Variants in LRRFIP2 observed in about 807,000 individuals in gnomAD.
The protein encoded by LRRFIP2 is LRR binding FLII interacting protein 2.
LRRFIP2 carries 109 observed loss-of-function variants against 125.9 expected under a neutral mutation model. The observed-to-expected ratio is 0.87, with a 90% CI of 0.74 to 1.01. The LOEUF is 1.01. Among genes scored for constraint, LRRFIP2 ranks in the 50% least tolerant of loss-of-function variants. The pLI, the probability that LRRFIP2 is intolerant of heterozygous loss-of-function variation, is 0.00. For synonymous variants in LRRFIP2, 291 were observed against 293.1 expected (o/e 0.99, Z 0.07); for missense variants, 850 against 862.3 (o/e 0.99, Z 0.18).
chr3:37,149,183 A>C (rs1468802514), intron 1 of LRRFIP2, 145 bp from the exon 2 acceptor site: 1 of 566,200 alleles, frequency 1.8e-6, no homozygotes, highest in Non-Finnish European at 2.9e-6. Flanking sequence ...AGAATATTTA[A>C]TTTTATACTA....
At chr3:37,130,032 A>C (rs2095387851) in intron 2 of LRRFIP2, among the ~76,000 whole-genome samples, 1 of 152,176 alleles carries the variant, frequency 6.6e-6, no homozygotes, top group Non-Finnish European at 1.5e-5. Context: ...TGTGGTTTTT[A>C]GTATACTCAC....
intron 17 of LRRFIP2, among the ~76,000 whole-genome samples, chr3:37,093,948 CAG>C (rs2093597912): frequency 6.6e-6 from 1 of 152,172 alleles, no homozygotes; most frequent in Admixed American, 6.5e-5. Flanking sequence ...AACTTTAGCT[CAG>C]AGTTTGTCTT....
intron 3 of LRRFIP2, among the ~76,000 whole-genome samples, chr3:37,128,088 A>G (rs550689708): frequency 6.6e-6 from 1 of 152,312 alleles, no homozygotes; most frequent in East Asian, 1.9e-4. Context: ...GTAAAAAGAC[A>G]ACGGATTGCA....
At chr3:37,084,841 A>C (rs1045052496) in intron 18 of LRRFIP2, among the ~76,000 whole-genome samples, 1 of 141,596 alleles carries the variant, frequency 7.1e-6, no homozygotes, top group African/African-American at 2.5e-5. Context: ...CTACTGCCTA[A>C]TGACTTTTTT....
Position 37,075,218 on chromosome 3 carries a change from G to T in LRRFIP2, c.1279-102C>A, listed in dbSNP as rs998987953. ...GGTTAAGTATGACCTCCAGAAACAT[G>T]CCCAAACTCCTGATTCATAGTAACT... On this transcript the variant is annotated intron_variant, in intron 19 of 27. Coordinates refer to ENST00000336686, the MANE Select transcript of LRRFIP2 (RefSeq NM_006309.4). 1.1e-5 allele frequency: 7 copies of T among 631,982 alleles called. No homozygotes were observed. In the African/African-American group the frequency reaches 1.3e-4, roughly 12 times the overall value. 39.1% of individuals were successfully genotyped at this position (631,982 alleles called of 1,614,324 possible).
rs968250332 is a variant in LRRFIP2, at chr3:37,108,134, A to G, written c.658-5T>C. On this transcript the variant is annotated splice_region_variant and splice_polypyrimidine_tract_variant and intron_variant, in intron 12 of 27. Transcript: ENST00000336686. The stretch of plus-strand genomic sequence containing the variant: ...ATAATAACTGCATTCAGATGGCTAT[A>G]AAGTTTCCAAGAAGAAAGGTTTTAC... The G allele has an allele frequency of 6.2e-7, 1 of 1,612,196 alleles. No individual in the cohort carries two copies. The highest frequency in any genetic ancestry group is 8.5e-7 in the Non-Finnish European group (1 of 1,178,290).
intron 2 of LRRFIP2, among the ~76,000 whole-genome samples, chr3:37,130,040 C>T (rs1269131644): frequency 6.6e-6 from 1 of 152,148 alleles, no homozygotes; most frequent in Non-Finnish European, 1.5e-5. Flanking sequence ...TTAGTATACT[C>T]ACAGGATGTG....
chr3:37,110,825 C>T (rs891819179), intron 9 of LRRFIP2, among the ~76,000 whole-genome samples, 166 bp downstream of exon 9: 1 of 151,946 alleles, frequency 6.6e-6, no homozygotes, highest in African/African-American at 2.4e-5. Flanking sequence ...GAATAGTTCC[C>T]GTTGTTTAAA....
intron 19 of LRRFIP2, among the ~76,000 whole-genome samples, chr3:37,082,912 T>G (rs1576286804): frequency 7.2e-6 from 1 of 138,994 alleles, no homozygotes; most frequent in Admixed American, 7.5e-5. Flanking sequence ...ATGCACTTCC[T>G]AAATTATTTT....
chr3:37,155,157 T>A (rs1050391961), intron 1 of LRRFIP2, among the ~76,000 whole-genome samples: 1 of 152,198 alleles, frequency 6.6e-6, no homozygotes, highest in Non-Finnish European at 1.5e-5. Flanking sequence ...TAAGCCTCCA[T>A]CTCTTTATCA....
chr3:37,138,626 C>T (rs149424408), intron 2 of LRRFIP2, among the ~76,000 whole-genome samples: 3 of 152,302 alleles, frequency 2.0e-5, no homozygotes, highest in Admixed American at 2.0e-4. Flanking sequence ...AACCCTATCC[C>T]ACTGTCATCA....
intron 2 of LRRFIP2, chr3:37,135,174 A>T: frequency 1.9e-6 from 2 of 1,055,784 alleles, no homozygotes; most frequent in Non-Finnish European, 2.8e-6. Context: ...TTAAAAAAAA[A>T]AAAAGGCTGG....
chr3:37,105,000 C>T (rs7653674), intron 14 of LRRFIP2, among the ~76,000 whole-genome samples: 2,569 of 152,142 alleles, frequency 0.017, 29 homozygotes, highest in Middle Eastern at 0.044. Context: ...ATGAGCCACC[C>T]TGACTGGATT....
chr3:37,123,802 T>C (rs1275030872), intron 4 of LRRFIP2, among the ~76,000 whole-genome samples: 1 of 152,168 alleles, frequency 6.6e-6, no homozygotes, highest in African/African-American at 2.4e-5. Flanking sequence ...CACAGAGCAT[T>C]TTCAAAAATC....
chr3:37,143,656 C>A, intron 2 of LRRFIP2: 1 of 176,494 alleles, frequency 5.7e-6, no homozygotes. Flanking sequence ...TTAATGATCT[C>A]GTGGGAGCCC....
At chr3:37,140,196 T>A (rs1235741006) in intron 2 of LRRFIP2, 1 of 152,188 alleles carries the variant, frequency 6.6e-6, no homozygotes. Context: ...ACCAAAGTTT[T>A]CAAGCTTCAC....
chr3:37,058,271 G>A (rs911390173), intron 25 of LRRFIP2, among the ~76,000 whole-genome samples: 4 of 152,228 alleles, frequency 2.6e-5, no homozygotes, highest in African/African-American at 7.2e-5. Context: ...ATTATCCCCT[G>A]AAGCACACAG....
intron 6 of LRRFIP2, among the ~76,000 whole-genome samples, chr3:37,117,279 A>G (rs954772202): frequency 3.3e-5 from 5 of 152,140 alleles, no homozygotes; most frequent in Non-Finnish European, 7.4e-5. Flanking sequence ...GTGGCATTTT[A>G]CACAGGCATA....
At chr3:37,068,556 C>T (rs1036655549) in intron 21 of LRRFIP2, 1 of 152,188 alleles carries the variant, frequency 6.6e-6, no homozygotes, top group African/African-American at 2.4e-5. Context: ...CAAATGTATT[C>T]AAGCTGGATC....
Sources: gnomAD v4.1 joint callset for allele counts (sites outside exome capture counted in the v4.1 genomes callset) on GRCh38, gnomAD v4.1.1 for gene constraint, MANE v1.5 for transcripts, NCBI Gene and HGNC (gene_info 2026-07-23, HGNC 2026-07-21) for gene names.